Variants in DYRK1A observed in about 807,000 individuals in gnomAD.
DYRK1A encodes dual specificity tyrosine-phosphorylation-regulated kinase 1A.
In DYRK1A, 9 loss-of-function variants were observed where a neutral mutation model predicts 79.7. The observed-to-expected ratio is 0.11, with a 90% CI of 0.07 to 0.20. The LOEUF (loss-of-function observed/expected upper bound fraction) is 0.20. DYRK1A is among the 10% of genes least tolerant of loss of function. DYRK1A has a pLI of 1.00. For missense variants in DYRK1A, 622 were observed against 956.0 expected (o/e 0.65, Z 4.61); for synonymous variants, 349 against 329.7 (o/e 1.06, Z -0.63).
intron 1 of DYRK1A, among the ~76,000 whole-genome samples, chr21:37,401,312 T>G (rs549838054): frequency 6.6e-6 from 1 of 152,274 alleles, no homozygotes; most frequent in South Asian, 2.1e-4. Context: ...CAGTGGAAAG[T>G]TTTCATGGTC....
intron 9 of DYRK1A, chr21:37,503,993 C>T (rs2053524718): frequency 6.6e-6 from 1 of 152,036 alleles, no homozygotes; most frequent in Admixed American, 6.5e-5. Context: ...TGCTTAAGAA[C>T]AGTTAAAGAT....
intron 2 of DYRK1A, among the ~76,000 whole-genome samples, chr21:37,455,212 ATG>A (rs2051596591): frequency 6.6e-6 from 1 of 151,922 alleles, no homozygotes; most frequent in Non-Finnish European, 1.5e-5. Context: ...GACAGATGAC[ATG>A]TTTTTTCCAG....
At chr21:37,449,960 A>C (rs1365316770) in intron 2 of DYRK1A, among the ~76,000 whole-genome samples, 1 of 152,216 alleles carries the variant, frequency 6.6e-6, no homozygotes, top group African/African-American at 2.4e-5. Context: ...CTGGAAAAAT[A>C]AGTAGGGGCC....
At chr21:37,396,080 G>A (rs1034306447) in intron 1 of DYRK1A, among the ~76,000 whole-genome samples, 1 of 152,166 alleles carries the variant, frequency 6.6e-6, no homozygotes, top group African/African-American at 2.4e-5. Context: ...GTAGTGCAGG[G>A]CCAGTAGGTG....
At chr21:37,373,692 C>T (rs907744919) in intron 1 of DYRK1A, among the ~76,000 whole-genome samples, 1 of 152,164 alleles carries the variant, frequency 6.6e-6, no homozygotes, top group Non-Finnish European at 1.5e-5. Context: ...AAAGACAAAC[C>T]TGGAAGTTGC....
In DYRK1A at chr21:37,518,643, T is replaced by C. The variant is rs981089760; in HGVS notation, c.*6112T>C. The C allele has an allele frequency of 5.5e-5, 8 of 145,108 alleles. No individual in the cohort carries two copies. The highest frequency in any genetic ancestry group is 9.0e-5 in the Non-Finnish European group (6 of 66,930). 9.0% of individuals were successfully genotyped at this position (145,108 alleles called of 1,614,324 possible). On this transcript the variant is annotated 3_prime_UTR_variant, in exon 12 of 12. Coordinates refer to ENST00000647188, the MANE Select transcript of DYRK1A (RefSeq NM_001347721.2). ...TTTTTTTTTTTTTTTTTGGAGACAG[T>C]CTTGCTTTGTCTCCCAGGTTGGTGT...
Position 37,465,234 on chromosome 21 carries a change from GT to G in DYRK1A, c.11-7444del, listed in dbSNP as rs138594924. 2.6e-3 allele frequency among the ~76,000 whole-genome samples: 396 copies of G among 152,240 alleles called. 2 individuals are homozygous for G. Among genetic ancestry groups the G allele is most frequent in the African/African-American group, 9.2e-3 (384 of 41,544 alleles). ...CTAAAAAGGTACCAGAAGTGAAAAA[GT>G]TTTTTCTTGCCAATTCACATTCAGA... is the stretch of plus-strand genomic sequence containing the variant. On this transcript the variant is annotated intron_variant, in intron 2 of 11. Transcript: ENST00000647188.
chr21:37,440,199 G>A (rs1304002536), intron 2 of DYRK1A, among the ~76,000 whole-genome samples: 2 of 120,902 alleles, frequency 1.7e-5, no homozygotes, highest in African/African-American at 3.1e-5. Context: ...GCAGTGGTGT[G>A]ATCTCGGTTC....
chr21:37,443,644 C>T (rs1310770353), intron 2 of DYRK1A, among the ~76,000 whole-genome samples: 1 of 152,128 alleles, frequency 6.6e-6, no homozygotes, highest in Non-Finnish European at 1.5e-5. Context: ...CAGTGTAGTC[C>T]TGTGTAGTTT....
Position 37,517,385 on chromosome 21 carries a change from A to C in DYRK1A, c.*4854A>C, listed in dbSNP as rs558282127. ...AAAGGCCGTGTAGGTATAAGTGCTTAATGTTTCATCTGTCTGAAAGACCAG... is the reference window on the plus strand; with the variant it reads ...AAAGGCCGTGTAGGTATAAGTGCTTCATGTTTCATCTGTCTGAAAGACCAG... On this transcript the variant is annotated 3_prime_UTR_variant, in exon 12 of 12. Coordinates refer to ENST00000647188, the MANE Select transcript of DYRK1A (RefSeq NM_001347721.2). The C allele has an allele frequency of 6.6e-6, 1 of 152,306 alleles. No individual in the cohort carries two copies. Among genetic ancestry groups the C allele is most frequent in the East Asian group, 1.9e-4 (1 of 5,178 alleles). 9.4% of individuals were successfully genotyped at this position (152,306 alleles called of 1,614,324 possible). A position where few individuals can be genotyped will look rare whatever the true frequency, so the allele number is the denominator to read the frequency against.
chr21:37,439,544 C>T (rs763180004), intron 2 of DYRK1A, among the ~76,000 whole-genome samples: 2 of 152,178 alleles, frequency 1.3e-5, no homozygotes, highest in Non-Finnish European at 2.9e-5. Context: ...TGAGCTCTGC[C>T]TCTTTTCACG....
At chr21:37,477,741 C>T (rs1382433297) in intron 3 of DYRK1A, among the ~76,000 whole-genome samples, 1 of 152,068 alleles carries the variant, frequency 6.6e-6, no homozygotes, top group Admixed American at 6.5e-5. Context: ...TTTTTGGTGC[C>T]AGCTGGGTCC....
chr21:37,446,457 C>A (rs756358948), intron 2 of DYRK1A, among the ~76,000 whole-genome samples: 2 of 152,132 alleles, frequency 1.3e-5, no homozygotes, highest in East Asian at 3.8e-4. Flanking sequence ...TTTAGAAAAT[C>A]ATTTAAATTG....
At chr21:37,465,703 G>C (rs1326083556) in intron 2 of DYRK1A, among the ~76,000 whole-genome samples, 5 of 152,094 alleles carry the variant, frequency 3.3e-5, no homozygotes, top group Admixed American at 3.3e-4. Flanking sequence ...TATGGGTGGT[G>C]GCGGGTGCCT....
chr21:37,411,138 A>G (rs2050236642), intron 1 of DYRK1A, among the ~76,000 whole-genome samples: 1 of 150,658 alleles, frequency 6.6e-6, no homozygotes, highest in South Asian at 2.1e-4. Flanking sequence ...TGGGTAGATC[A>G]TGAGGTCAGG....
At chr21:37,462,792 G>A (rs887657962) in intron 2 of DYRK1A, among the ~76,000 whole-genome samples, 2 of 152,124 alleles carry the variant, frequency 1.3e-5, no homozygotes, top group African/African-American at 4.8e-5. Flanking sequence ...CTCTAGATAG[G>A]AAACCAGGGG....
At chr21:37,485,361 T>C (rs1396047311) in intron 5 of DYRK1A, among the ~76,000 whole-genome samples, 1 of 152,214 alleles carries the variant, frequency 6.6e-6, no homozygotes, top group African/African-American at 2.4e-5. Context: ...GCCTCTGTTA[T>C]AAAAGACCAC....
chr21:37,412,557 A>C (rs371995535), intron 1 of DYRK1A, among the ~76,000 whole-genome samples: 1 of 152,210 alleles, frequency 6.6e-6, no homozygotes, highest in South Asian at 2.1e-4. Flanking sequence ...CATAACCATC[A>C]GGCCTAGGAG....
At chr21:37,374,561 CT>C (rs141188103) in intron 1 of DYRK1A, among the ~76,000 whole-genome samples, 1 of 150,366 alleles carries the variant, frequency 6.7e-6, no homozygotes, top group East Asian at 1.9e-4. Flanking sequence ...AATCTGCTTT[CT>C]TTTTTTTTGA....
Sources: allele counts gnomAD v4.1 joint callset (sites outside exome capture counted in the v4.1 genomes callset), GRCh38; gene constraint gnomAD v4.1.1; transcripts MANE v1.5; gene names NCBI Gene and HGNC (gene_info 2026-07-23, HGNC 2026-07-21).